The following PLEKHA2 variants were observed in gnomAD, a reference collection of about 807,000 sequenced individuals.
The protein encoded by PLEKHA2 is pleckstrin homology domain-containing family A member 2.
Under a neutral mutation model 53.2 loss-of-function variants are expected in PLEKHA2, and 28 were observed. The ratio of observed to expected loss-of-function variants is 0.53; its 90% confidence interval spans 0.39 to 0.72. PLEKHA2 has a LOEUF of 0.72. Among genes scored for constraint, PLEKHA2 ranks in the 30% least tolerant of loss-of-function variants. The pLI is 0.00. For synonymous variants in PLEKHA2, 193 were observed against 196.4 expected, an observed-to-expected ratio of 0.98 and a Z score of 0.14; for missense variants, 426 against 537.9, an observed-to-expected ratio of 0.79 and a Z score of 2.06.
rs922528491 is a variant in PLEKHA2, at chr8:38,969,909, C to G, written c.*126C>G. The G allele has an allele frequency of 1.0e-5, 14 of 1,370,340 alleles. No homozygotes were observed. Among genetic ancestry groups the G allele is most frequent in the African/African-American group, 4.5e-5 (3 of 66,980 alleles). The allele number at this position is 1,370,340 out of a possible 1,614,324, so 84.9% of individuals were successfully genotyped here. ...TATGTCACTCATATTCCTGTGGATGCTCTTTGGGAGGGAGGGGCCCATCCA... is the reference window on the plus strand; with the variant it reads ...TATGTCACTCATATTCCTGTGGATGGTCTTTGGGAGGGAGGGGCCCATCCA... On this transcript the variant is annotated 3_prime_UTR_variant, in exon 12 of 12. Coordinates refer to ENST00000617275, the MANE Select transcript of PLEKHA2 (RefSeq NM_021623.2).
Position 38,920,862 on chromosome 8 carries a change from G to A in PLEKHA2, c.141+2792G>A, listed in dbSNP as rs193133888. Among the ~76,000 whole-genome samples the A allele has an allele frequency of 4.5e-3, 679 of 151,524 alleles. 3 individuals carry two copies. Among genetic ancestry groups the A allele is most frequent in the Non-Finnish European group, 7.2e-3 (486 of 67,910 alleles). On this transcript the variant is annotated intron_variant, in intron 2 of 11. Transcript: ENST00000617275. The stretch of plus-strand genomic sequence containing the variant: ...GTTGCCCACGCTGGAGTGCAATGGC[G>A]CGATCTCAGCTCACTGCAACCTCTG...
At chr8:38,937,390 G>A (rs574514313) in intron 3 of PLEKHA2, among the ~76,000 whole-genome samples, 22 of 152,284 alleles carry the variant, frequency 1.4e-4, no homozygotes, top group African/African-American at 1.9e-4. Context: ...TCCTGAGGTC[G>A]TTTCTCCAGG....
chr8:38,905,651 G>A (rs1833859805), intron 1 of PLEKHA2, among the ~76,000 whole-genome samples: 2 of 149,696 alleles, frequency 1.3e-5, no homozygotes, highest in Admixed American at 1.3e-4. Context: ...CAAAAGGCCA[G>A]TAGGTTGGAG....
In PLEKHA2 at chr8:38,970,508, G is replaced by C. The variant is rs1282221551; in HGVS notation, c.*725G>C. On this transcript the variant is annotated 3_prime_UTR_variant, in exon 12 of 12. Coordinates refer to ENST00000617275, the MANE Select transcript of PLEKHA2 (RefSeq NM_021623.2). ...CTCAGATAAAAGAGCCTAGAAAATT[G>C]AGTTTTGAGCGGGCATGGTGGCTCA... is the stretch of plus-strand genomic sequence containing the variant. 1 of 160,030 alleles carries C rather than the reference G, an allele frequency of 6.2e-6. No individual in the cohort carries two copies. Among genetic ancestry groups the C allele is most frequent in the Non-Finnish European group, 1.4e-5 (1 of 72,182 alleles). 9.9% of individuals were successfully genotyped at this position (160,030 alleles called of 1,614,324 possible).
At chr8:38,940,717 C>T (rs1439627345) in intron 3 of PLEKHA2, among the ~76,000 whole-genome samples, 2 of 151,128 alleles carry the variant, frequency 1.3e-5, no homozygotes, top group Admixed American at 1.3e-4. Flanking sequence ...GTTATGGAGC[C>T]ACCAGCGTCC....
rs1188769607 is a variant in PLEKHA2, at chr8:38,901,429, G to C, written c.-40G>C. ...ATGTAACGCGCCCCGCCCGAGCCCC[G>C]GCCCCTGCACGGGGGGGTAAGTTGG... is the stretch of plus-strand genomic sequence containing the variant. On this transcript the variant is annotated 5_prime_UTR_variant, in exon 1 of 12. Transcript: ENST00000617275. 5.7e-5 allele frequency: 3 copies of C among 52,194 alleles called. No homozygotes were observed. The highest frequency in any genetic ancestry group is 1.4e-4 in the African/African-American group (3 of 22,210). The allele number at this position is 52,194 out of a possible 1,614,324, so 3.2% of individuals were successfully genotyped here. A position where few individuals can be genotyped will look rare whatever the true frequency, so the allele number is the denominator to read the frequency against.
At chr8:38,918,751 C>G (rs1164196844) in intron 2 of PLEKHA2, among the ~76,000 whole-genome samples, 4 of 148,194 alleles carry the variant, frequency 2.7e-5, no homozygotes, top group Non-Finnish European at 6.0e-5. Flanking sequence ...CACGCACACA[C>G]CATACACACA....
At chr8:38,932,208 C>G (rs575305939) in intron 2 of PLEKHA2, among the ~76,000 whole-genome samples, 1 of 152,244 alleles carries the variant, frequency 6.6e-6, no homozygotes, top group Non-Finnish European at 1.5e-5. Flanking sequence ...GTTGCCCAGG[C>G]TGGTCTTGAA....
chr8:38,938,010 G>C (rs1834528490), intron 3 of PLEKHA2, among the ~76,000 whole-genome samples: 1 of 152,222 alleles, frequency 6.6e-6, no homozygotes, highest in Admixed American at 6.5e-5. Context: ...AGAGATGAAA[G>C]TGATGATTGG....
At chr8:38,904,901 C>G (rs1833846780) in intron 1 of PLEKHA2, among the ~76,000 whole-genome samples, 2 of 152,212 alleles carry the variant, frequency 1.3e-5, no homozygotes, top group Non-Finnish European at 2.9e-5. Flanking sequence ...AATATTTACC[C>G]AATGTCTGGG....
chr8:38,970,615 G>A lies in PLEKHA2; in HGVS notation c.*832G>A, dbSNP rs113814530. The A allele has an allele frequency of 0.011, 1,875 of 163,060 alleles. 41 individuals carry two copies. The highest frequency in any genetic ancestry group is 0.043 in the African/African-American group (1,798 of 41,568). The allele number at this position is 163,060 out of a possible 1,614,324, so 10.1% of individuals were successfully genotyped here. On this transcript the variant is annotated 3_prime_UTR_variant, in exon 12 of 12. Coordinates refer to ENST00000617275, the MANE Select transcript of PLEKHA2 (RefSeq NM_021623.2). ...AGTTCGAGATCAGCCTGGCCAACAT[G>A]GTGAAACCCCGCCTCTACTAAAAAA...
In PLEKHA2 at chr8:38,920,946, G is replaced by A. The variant is rs537919495; in HGVS notation, c.141+2876G>A. ...CTCCCGAGTAGCTGGGATTACAGGC[G>A]TCAGCCACCACGCCCAGCTAATTTT... On this transcript the variant is annotated intron_variant, in intron 2 of 11. Transcript: ENST00000617275. 1.2e-3 allele frequency among the ~76,000 whole-genome samples: 181 copies of A among 152,076 alleles called. 1 individual carries two copies. The highest frequency in any genetic ancestry group is 4.2e-3 in the African/African-American group (176 of 41,466).
intron 1 of PLEKHA2, among the ~76,000 whole-genome samples, chr8:38,912,509 A>G (rs182036305): frequency 6.6e-6 from 1 of 152,198 alleles, no homozygotes. Context: ...CATTGCTAGA[A>G]TAGTAGAAGC....
intron 2 of PLEKHA2, among the ~76,000 whole-genome samples, chr8:38,918,588 C>T (rs879526766): frequency 0.15 from 1,188 of 7,760 alleles, 8 homozygotes; most frequent in Non-Finnish European, 0.22. Flanking sequence ...CACACATGCA[C>T]ACACATCCCA....
rs1348459453 is a variant in PLEKHA2 at position 38,918,047 on chromosome 8, C to T, written c.118C>T (p.Leu40Phe). 1.2e-6 allele frequency: 2 copies of T among 1,613,244 alleles called. No individual in the cohort carries two copies. The highest frequency in any genetic ancestry group is 1.3e-5 in the African/African-American group (1 of 74,940). Reference sequence around the variant, plus strand: ...TCTGGACACCCAGGCTAACTGCCTCCTCTGGTATATGGACAACCCCCAGGT... The same window carrying T: ...TCTGGACACCCAGGCTAACTGCCTCTTCTGGTATATGGACAACCCCCAGGT... ...FILDTQANCL[L>F]WYMDNPQNLA... Residue 40 changes from leucine (L) to phenylalanine (F), a missense_variant, in exon 2 of 12, where the codon CTC becomes TTC. Leu to Phe is a conservative substitution (Grantham distance 22). Transcript: ENST00000617275.
chr8:38,914,780 C>T (rs537912732), intron 1 of PLEKHA2, among the ~76,000 whole-genome samples: 1 of 152,298 alleles, frequency 6.6e-6, no homozygotes, highest in Non-Finnish European at 1.5e-5. Context: ...CTCGCCCTTC[C>T]CTTTGGCTCT....
intron 1 of PLEKHA2, among the ~76,000 whole-genome samples, chr8:38,912,659 C>T (rs1833970206): frequency 6.6e-6 from 1 of 152,160 alleles, no homozygotes; most frequent in South Asian, 2.1e-4. Context: ...GCTCTGTGGA[C>T]CCAATCTTAG....
intron 4 of PLEKHA2, among the ~76,000 whole-genome samples, chr8:38,944,665 T>C (rs1301805116): frequency 6.6e-6 from 1 of 151,792 alleles, no homozygotes; most frequent in Non-Finnish European, 1.5e-5. Flanking sequence ...TGTTAAACCA[T>C]GAGAAACCGC....
intron 5 of PLEKHA2, among the ~76,000 whole-genome samples, chr8:38,948,952 C>A (rs754237500): frequency 5.9e-5 from 9 of 152,086 alleles, no homozygotes; most frequent in Non-Finnish European, 1.2e-4. Flanking sequence ...CTCACTGCAA[C>A]CTCTGCCTTC....
Sources: allele counts gnomAD v4.1 joint callset (sites outside exome capture counted in the v4.1 genomes callset), GRCh38; gene constraint gnomAD v4.1.1; transcripts MANE v1.5; gene names NCBI Gene and HGNC (gene_info 2026-07-23, HGNC 2026-07-21).